TPH2: variants seen among roughly 807,000 people sequenced by gnomAD.
TPH2 encodes the protein tryptophan 5-hydroxylase 2.
A neutral mutation model predicts 59.1 loss-of-function variants in TPH2; 27 were observed. That is an observed-to-expected ratio of 0.46 (90% CI 0.34 to 0.63). TPH2 has a LOEUF of 0.63. Among genes scored for constraint, TPH2 ranks in the 30% least tolerant of loss-of-function variants. TPH2 has a pLI of 0.01. For synonymous variants in TPH2, 220 were observed against 210.5 expected (o/e 1.05, Z -0.39); for missense variants, 523 against 588.3 (o/e 0.89, Z 1.15).
rs1282810098 is a variant in TPH2 at position 71,991,582 on chromosome 12, G to A, written c.942-2857G>A. 2.6e-5 allele frequency among the ~76,000 whole-genome samples: 4 copies of A among 152,118 alleles called. No homozygotes were observed. In the East Asian group the frequency reaches 5.8e-4, roughly 22 times the overall value. ...GGGAGATCTTTAGCATTTACATCAT[G>A]AGCCACAATGGAGGTTTTCAGATTT... On this transcript the variant is annotated intron_variant, in intron 7 of 10. Transcript: ENST00000333850.
chr12:72,017,114 T>A (rs966003922), intron 8 of TPH2, among the ~76,000 whole-genome samples: 1 of 152,242 alleles, frequency 6.6e-6, no homozygotes. Context: ...AGTGCTTTTA[T>A]AAATCACCAG....
intron 5 of TPH2, among the ~76,000 whole-genome samples, chr12:71,958,478 G>A (rs1168315781): frequency 2.0e-5 from 3 of 152,194 alleles, no homozygotes; most frequent in Non-Finnish European, 4.4e-5. Flanking sequence ...TATTTGAAAT[G>A]CACCATCCTT....
chr12:71,957,559 A>G (rs954307314), intron 5 of TPH2, among the ~76,000 whole-genome samples: 1 of 151,240 alleles, frequency 6.6e-6, no homozygotes, highest in African/African-American at 2.4e-5. Context: ...CTAGTCTTGA[A>G]CTCTGGCCTC....
intron 8 of TPH2, among the ~76,000 whole-genome samples, chr12:71,997,392 A>G (rs1323524343): frequency 6.6e-6 from 1 of 152,200 alleles, no homozygotes; most frequent in Non-Finnish European, 1.5e-5. Flanking sequence ...GGCCATCAAA[A>G]TCTTTATGGG....
chr12:71,984,895 T>G (rs1000872138), intron 7 of TPH2, among the ~76,000 whole-genome samples: 3 of 152,234 alleles, frequency 2.0e-5, no homozygotes, highest in African/African-American at 7.2e-5. Flanking sequence ...GAGGGCCAGT[T>G]AAGATGTTAG....
intron 8 of TPH2, among the ~76,000 whole-genome samples, chr12:72,015,244 A>G (rs1023560177): frequency 1.3e-5 from 2 of 151,110 alleles, no homozygotes; most frequent in African/African-American, 4.9e-5. Flanking sequence ...AGATGGAAAA[A>G]TGTTAGTAAA....
intron 8 of TPH2, among the ~76,000 whole-genome samples, chr12:72,002,576 A>G (rs1872853172): frequency 1.3e-5 from 2 of 152,170 alleles, no homozygotes; most frequent in South Asian, 4.1e-4. Context: ...AACAAAACAA[A>G]ACACAAAAAG....
intron 7 of TPH2, among the ~76,000 whole-genome samples, 184 bp downstream of exon 7, chr12:71,979,271 G>C (rs1872205158): frequency 1.3e-5 from 2 of 152,152 alleles, no homozygotes; most frequent in African/African-American, 4.8e-5. Flanking sequence ...GGGTCCGTGG[G>C]GGCCCCTGAT....
chr12:72,023,258 C>G (rs1249703619), intron 9 of TPH2, among the ~76,000 whole-genome samples: 2 of 152,160 alleles, frequency 1.3e-5, no homozygotes, highest in Non-Finnish European at 2.9e-5. Context: ...CTTTCTTTGA[C>G]TATTCAGACT....
chr12:72,007,968 G>A (rs949202057), intron 8 of TPH2, among the ~76,000 whole-genome samples: 2 of 152,138 alleles, frequency 1.3e-5, no homozygotes, highest in Non-Finnish European at 2.9e-5. Context: ...TATTCATTAA[G>A]TAATATTTAC....
chr12:72,025,582 T>C (rs1873546152), intron 9 of TPH2, among the ~76,000 whole-genome samples: 1 of 152,194 alleles, frequency 6.6e-6, no homozygotes, highest in African/African-American at 2.4e-5. Flanking sequence ...AAAGTTAGCA[T>C]AAATCTTACA....
At chr12:71,986,688 AC>A (rs1872447788) in intron 7 of TPH2, among the ~76,000 whole-genome samples, 1 of 133,702 alleles carries the variant, frequency 7.5e-6, no homozygotes. Context: ...ACTCTCCCCT[AC>A]CCCTGCACCC....
intron 7 of TPH2, among the ~76,000 whole-genome samples, chr12:71,983,217 A>G (rs941327809): frequency 1.8e-4 from 28 of 152,144 alleles, no homozygotes; most frequent in African/African-American, 6.8e-4. Flanking sequence ...CCTGGATTGA[A>G]AGGTCACTGA....
chr12:72,000,117 G>A (rs190488620), intron 8 of TPH2, among the ~76,000 whole-genome samples: 227 of 152,312 alleles, frequency 1.5e-3, no homozygotes, highest in African/African-American at 5.0e-3. Context: ...GGAGGGAAAA[G>A]CAGGATGGTA....
intron 1 of TPH2, among the ~76,000 whole-genome samples, chr12:71,940,997 A>C (rs1436671600): frequency 6.6e-6 from 1 of 152,176 alleles, no homozygotes; most frequent in Non-Finnish European, 1.5e-5. Context: ...AGTTAGTTAT[A>C]CATGTGTCTG....
At chr12:71,995,235 G>A (rs548870431) in intron 8 of TPH2, among the ~76,000 whole-genome samples, 20 of 152,030 alleles carry the variant, frequency 1.3e-4, no homozygotes, top group African/African-American at 4.3e-4. Flanking sequence ...GTTTAATGTT[G>A]GCTGCTACCT....
chr12:71,990,453 C>T (rs1872555160), intron 7 of TPH2, among the ~76,000 whole-genome samples: 1 of 152,214 alleles, frequency 6.6e-6, no homozygotes, highest in African/African-American at 2.4e-5. Flanking sequence ...TAGCCTGGAA[C>T]CCCTCTCTGC....
chr12:71,974,593 C>T (rs1872064209), intron 6 of TPH2, among the ~76,000 whole-genome samples: 1 of 152,162 alleles, frequency 6.6e-6, no homozygotes, highest in Non-Finnish European at 1.5e-5. Context: ...TCTCAAGATC[C>T]TTAAGTTAAT....
intron 6 of TPH2, 86 bp downstream of exon 6, chr12:71,972,801 C>CA: frequency 7.3e-7 from 1 of 1,373,558 alleles, no homozygotes; most frequent in Non-Finnish European, 1.0e-6. Context: ...GCTCTTTTTC[C>CA]AAAAAAGGAA....
Sources: allele counts gnomAD v4.1 joint callset (sites outside exome capture counted in the v4.1 genomes callset), GRCh38; gene constraint gnomAD v4.1.1; transcripts MANE v1.5; gene names NCBI Gene and HGNC (gene_info 2026-07-23, HGNC 2026-07-21).